DNER: variants seen among roughly 807,000 people sequenced by gnomAD.
The protein encoded by DNER is delta/notch like EGF repeat containing, also known as delta and Notch-like epidermal growth factor-related receptor.
Under a neutral mutation model 78.2 loss-of-function variants are expected in DNER, and 33 were observed. The ratio of observed to expected loss-of-function variants is 0.42; its 90% CI spans 0.32 to 0.56. The LOEUF is 0.56. Ranked by LOEUF, DNER falls within the 20% of genes least tolerant of loss-of-function variation. DNER has a pLI of 0.11. For synonymous variants in DNER, 417 were observed against 384.8 expected (o/e 1.08, Z -0.98); for missense variants, 918 against 975.3 (o/e 0.94, Z 0.78).
At chr2:229,520,546 G>A (rs1273681681) in intron 5 of DNER, among the ~76,000 whole-genome samples, 1 of 152,194 alleles carries the variant, frequency 6.6e-6, no homozygotes, top group Non-Finnish European at 1.5e-5. Flanking sequence ...GAAACTAGGT[G>A]ACACAGGCAT....
chr2:229,533,472 G>GA (rs565981692), intron 5 of DNER, among the ~76,000 whole-genome samples: 79 of 151,992 alleles, frequency 5.2e-4, no homozygotes, highest in Non-Finnish European at 8.4e-4. Flanking sequence ...TTGCAGAGGG[G>GA]AAAAAAATGT....
At chr2:229,520,030 T>A (rs540973530) in intron 5 of DNER, among the ~76,000 whole-genome samples, 21 of 152,154 alleles carry the variant, frequency 1.4e-4, no homozygotes, top group Non-Finnish European at 3.1e-4. Context: ...AGCGCCTAAT[T>A]GCTCCTGAAC....
At chr2:229,687,021 C>T (rs1353863540) in intron 1 of DNER, among the ~76,000 whole-genome samples, 1 of 152,090 alleles carries the variant, frequency 6.6e-6, no homozygotes, top group Non-Finnish European at 1.5e-5. Context: ...ATTTTATGCA[C>T]CTTAACATAA....
At chr2:229,608,960 C>T (rs1046083168) in intron 1 of DNER, among the ~76,000 whole-genome samples, 4 of 152,138 alleles carry the variant, frequency 2.6e-5, no homozygotes, top group Non-Finnish European at 4.4e-5. Context: ...CAGTGGCTCA[C>T]GCCTGTAATT....
At chr2:229,508,741 C>T (rs941328059) in intron 6 of DNER, among the ~76,000 whole-genome samples, 2 of 152,006 alleles carry the variant, frequency 1.3e-5, no homozygotes, top group East Asian at 1.9e-4. Flanking sequence ...ATTAGCCGGG[C>T]GTGGTGGCAA....
At chr2:229,708,365 C>T (rs955330867) in intron 1 of DNER, among the ~76,000 whole-genome samples, 1 of 152,166 alleles carries the variant, frequency 6.6e-6, no homozygotes, top group Non-Finnish European at 1.5e-5. Flanking sequence ...ACAGGGGAAC[C>T]GTAGGACCCA....
chr2:229,703,651 G>A (rs1699785671), intron 1 of DNER, among the ~76,000 whole-genome samples: 2 of 152,172 alleles, frequency 1.3e-5, no homozygotes, highest in African/African-American at 4.8e-5. Flanking sequence ...GGCCAAGGTG[G>A]GCAGATTTCT....
intron 7 of DNER, among the ~76,000 whole-genome samples, chr2:229,466,092 C>A (rs1258231561): frequency 6.6e-6 from 1 of 152,070 alleles, no homozygotes; most frequent in African/African-American, 2.4e-5. Flanking sequence ...TCCATTCTTC[C>A]CCCCTAAACA....
At chr2:229,494,343 G>C (rs1403571123) in intron 6 of DNER, among the ~76,000 whole-genome samples, 2 of 152,204 alleles carry the variant, frequency 1.3e-5, no homozygotes. Context: ...ACATGGACCT[G>C]TGAGATCAGA....
At chr2:229,545,644 G>T (rs1414003146) in intron 5 of DNER, among the ~76,000 whole-genome samples, 3 of 152,176 alleles carry the variant, frequency 2.0e-5, no homozygotes, top group Non-Finnish European at 2.9e-5. Flanking sequence ...GTGGTCCTTT[G>T]TTCATCTGAC....
intron 1 of DNER, among the ~76,000 whole-genome samples, chr2:229,592,787 A>G (rs937987168): frequency 6.6e-6 from 1 of 152,240 alleles, no homozygotes; most frequent in African/African-American, 2.4e-5. Context: ...TTCTGTGATA[A>G]GGAGAAAATT....
intron 1 of DNER, among the ~76,000 whole-genome samples, chr2:229,605,245 G>A (rs897812349): frequency 3.9e-5 from 6 of 152,104 alleles, no homozygotes; most frequent in African/African-American, 1.2e-4. Context: ...CAACAGAGAC[G>A]GGAGTTTCTG....
At chr2:229,542,006 T>C (rs1175595895) in intron 5 of DNER, among the ~76,000 whole-genome samples, 2 of 147,588 alleles carry the variant, frequency 1.4e-5, no homozygotes, top group Non-Finnish European at 3.0e-5. Flanking sequence ...TAATATATAA[T>C]ATATATAATC....
At chr2:229,658,591 A>C (rs1356123559) in intron 1 of DNER, among the ~76,000 whole-genome samples, 4 of 152,220 alleles carry the variant, frequency 2.6e-5, no homozygotes, top group African/African-American at 9.6e-5. Flanking sequence ...AGCACTCACA[A>C]TGTGCCTGTT....
Position 229,512,939 on chromosome 2 carries a change from A to G in DNER, c.994-3T>C, listed in dbSNP as rs1296980435. The G allele has an allele frequency of 1.2e-6, 2 of 1,613,310 alleles. No homozygotes were observed. The highest frequency in any genetic ancestry group is 2.7e-5 in the African/African-American group (2 of 75,050). ...TCACAGGTACAGGAAAAAGTTGCCT[A>G]AAACACAAAAAAAGCACAGTGTCTA... On this transcript the variant is annotated splice_polypyrimidine_tract_variant and splice_region_variant and intron_variant, in intron 5 of 12. Transcript: ENST00000341772.
intron 11 of DNER, among the ~76,000 whole-genome samples, chr2:229,370,944 C>T (rs1486229474): frequency 1.3e-5 from 2 of 152,222 alleles, no homozygotes; most frequent in East Asian, 1.9e-4. Flanking sequence ...AACAACCATA[C>T]TGGGCTATGT....
At chr2:229,676,193 G>A (rs1289582178) in intron 1 of DNER, among the ~76,000 whole-genome samples, 1 of 152,156 alleles carries the variant, frequency 6.6e-6, no homozygotes, top group African/African-American at 2.4e-5. Context: ...CTTACAAGAG[G>A]AGCATCACAG....
intron 4 of DNER, among the ~76,000 whole-genome samples, chr2:229,557,736 G>GAAA (rs755815311): frequency 1.5e-5 from 2 of 130,288 alleles, no homozygotes; most frequent in Non-Finnish European, 3.4e-5. Flanking sequence ...GGAGACAAAA[G>GAAA]AAAAAAAAAA....
At chr2:229,435,168 T>C (rs1694096140) in intron 8 of DNER, among the ~76,000 whole-genome samples, 1 of 152,144 alleles carries the variant, frequency 6.6e-6, no homozygotes, top group Admixed American at 6.6e-5. Context: ...GGACCTTGTG[T>C]TCTGTTGCTG....
Sources: allele counts gnomAD v4.1 joint callset (sites outside exome capture counted in the v4.1 genomes callset), GRCh38; gene constraint gnomAD v4.1.1; transcripts MANE v1.5; gene names NCBI Gene and HGNC (gene_info 2026-07-23, HGNC 2026-07-21).